ANKRD12: variants seen among roughly 807,000 people sequenced by gnomAD.
ANKRD12 encodes the protein ankyrin repeat domain 12.
ANKRD12 carries 85 observed loss-of-function variants against 183.4 expected under a neutral mutation model. That is an observed-to-expected ratio of 0.46 (90% CI 0.39 to 0.56). ANKRD12 has a LOEUF of 0.56. Among genes scored for constraint, ANKRD12 ranks in the 20% least tolerant of loss-of-function variants. ANKRD12 has a pLI of 0.00. For synonymous variants in ANKRD12, 914 were observed against 800.2 expected (o/e 1.14, Z -2.40); for missense variants, 2,405 against 2,357.1 (o/e 1.02, Z -0.42).
At chr18:9,212,129 GAA>G (rs748991343) in intron 6 of ANKRD12, among the ~76,000 whole-genome samples, 1 of 151,990 alleles carries the variant, frequency 6.6e-6, no homozygotes, top group African/African-American at 2.4e-5. Flanking sequence ...TTATTAACTT[GAA>G]CCATGAGGAC....
chr18:9,199,543 G>A (rs2035047756), intron 3 of ANKRD12, among the ~76,000 whole-genome samples: 1 of 152,002 alleles, frequency 6.6e-6, no homozygotes, highest in Admixed American at 6.6e-5. Flanking sequence ...AAAAGGGTAG[G>A]GAATAAGGAG....
chr18:9,245,485 A>G (rs895549846), intron 8 of ANKRD12, among the ~76,000 whole-genome samples: 3 of 152,138 alleles, frequency 2.0e-5, no homozygotes, highest in Non-Finnish European at 4.4e-5. Flanking sequence ...CCAGTTTATA[A>G]TCACTAGTTT....
chr18:9,275,744 T>C (rs761047520), intron 11 of ANKRD12, 77 bp downstream of exon 11: 245 of 1,349,460 alleles, frequency 1.8e-4, no homozygotes, highest in Non-Finnish European at 2.4e-4. Context: ...TCTATTTCCA[T>C]AGAAAGAACT....
chr18:9,151,757 C>A (rs372884708), intron 1 of ANKRD12, among the ~76,000 whole-genome samples: 12 of 152,208 alleles, frequency 7.9e-5, no homozygotes, highest in African/African-American at 2.9e-4. Flanking sequence ...TAGGAACTTG[C>A]ATTCCTTGCT....
At chr18:9,260,816 C>G (rs1260847193) in intron 9 of ANKRD12, among the ~76,000 whole-genome samples, 1 of 152,136 alleles carries the variant, frequency 6.6e-6, no homozygotes, top group Non-Finnish European at 1.5e-5. Flanking sequence ...TTAATGATTA[C>G]CACATTTAAA....
At chr18:9,239,444 C>A in intron 8 of ANKRD12, 18 of 1,009,768 alleles carry the variant, frequency 1.8e-5, no homozygotes, top group Non-Finnish European at 2.3e-5. Context: ...TTGATTGTTT[C>A]ATGTGTTCAT....
intron 1 of ANKRD12, among the ~76,000 whole-genome samples, chr18:9,140,217 A>G (rs1430749605): frequency 6.6e-6 from 1 of 152,216 alleles, no homozygotes; most frequent in Non-Finnish European, 1.5e-5. Context: ...AGCACATTGT[A>G]CACTGTAAAC....
intron 1 of ANKRD12, among the ~76,000 whole-genome samples, chr18:9,149,772 A>G (rs2078615600): frequency 7.7e-5 from 1 of 12,988 alleles, no homozygotes; most frequent in African/African-American, 1.9e-4. Context: ...ATTTGTAATG[A>G]TTTATTTATT....
chr18:9,180,642 C>A (rs2033636194), intron 1 of ANKRD12, among the ~76,000 whole-genome samples: 1 of 152,090 alleles, frequency 6.6e-6, no homozygotes, highest in Non-Finnish European at 1.5e-5. Flanking sequence ...CAGTATACAT[C>A]TTGCACCCAG....
In ANKRD12 at chr18:9,271,113, C is replaced by A. The variant is rs561985874; in HGVS notation, c.5764-4411C>A. On this transcript the variant is annotated intron_variant, in intron 10 of 12. Transcript: ENST00000262126. ...TTTTTGAGACAGTCTCACTCTGTCA[C>A]CCAGGCTGGCAGTGGTGTGATCATC... Among the ~76,000 whole-genome samples the A allele has an allele frequency of 6.6e-5, 10 of 152,256 alleles. No individual in the cohort carries two copies. The South Asian group carries it at 1.7e-3, about 25-fold the overall frequency.
At chr18:9,170,278 A>C (rs1486464437) in intron 1 of ANKRD12, among the ~76,000 whole-genome samples, 4 of 152,186 alleles carry the variant, frequency 2.6e-5, no homozygotes, top group Non-Finnish European at 5.9e-5. Context: ...AGATTGGGGA[A>C]GTTCTCCTGG....
intron 8 of ANKRD12, among the ~76,000 whole-genome samples, chr18:9,236,672 T>C (rs562677495): frequency 6.6e-6 from 1 of 152,262 alleles, no homozygotes; most frequent in South Asian, 2.1e-4. Context: ...ATAATAGTTA[T>C]TTATAGGAAT....
chr18:9,196,223 C>CACACAT (rs199953345), intron 3 of ANKRD12, among the ~76,000 whole-genome samples: 23 of 52,498 alleles, frequency 4.4e-4, no homozygotes, highest in East Asian at 1.1e-3. Context: ...CACACACACA[C>CACACAT]TGAGGCTAAC....
intron 1 of ANKRD12, among the ~76,000 whole-genome samples, chr18:9,137,336 G>A (rs950666079): frequency 6.8e-6 from 1 of 146,558 alleles, no homozygotes; most frequent in Non-Finnish European, 1.5e-5. Flanking sequence ...GCCGCGAGCT[G>A]GCCTCGTCGC....
At chr18:9,235,218 A>G (rs2037278097) in intron 8 of ANKRD12, among the ~76,000 whole-genome samples, 1 of 152,186 alleles carries the variant, frequency 6.6e-6, no homozygotes, top group Admixed American at 6.5e-5. Flanking sequence ...AAAATAGGCC[A>G]ATAGCTAGGC....
intron 1 of ANKRD12, among the ~76,000 whole-genome samples, chr18:9,161,672 G>C (rs2031441101): frequency 6.6e-6 from 1 of 151,814 alleles, no homozygotes; most frequent in African/African-American, 2.4e-5. Flanking sequence ...CACTGCACCT[G>C]ACCTCTTTTT....
Position 9,254,602 on chromosome 18 carries a change from C to A in ANKRD12, c.1335C>A (p.Val445=). 2 of 1,583,950 alleles carry A rather than the reference C, an allele frequency of 1.3e-6. No homozygotes were observed. The highest frequency in any genetic ancestry group is 2.4e-5 in the South Asian group (2 of 83,458). ...AAAAGATTTCTACTTCATGTTCCGTCATCCCTGAAACATCAAATTCTGATA... is the reference window on the plus strand; with the variant it reads ...AAAAGATTTCTACTTCATGTTCCGTAATCCCTGAAACATCAAATTCTGATA... ...QNKKISTSCS[V]IPETSNSDMQ... Residue 445 remains valine (V), a synonymous_variant, in exon 9 of 13, where the codon GTC becomes GTA. Transcript: ENST00000262126.
intron 6 of ANKRD12, among the ~76,000 whole-genome samples, chr18:9,213,506 C>T (rs1002850300): frequency 2.0e-5 from 3 of 151,828 alleles, no homozygotes; most frequent in Admixed American, 1.3e-4. Flanking sequence ...GTAATAGGAA[C>T]TCGTTGAAGG....
At chr18:9,264,767 T>G (rs886938555) in intron 10 of ANKRD12, among the ~76,000 whole-genome samples, 1 of 92,944 alleles carries the variant, frequency 1.1e-5, no homozygotes, top group African/African-American at 5.9e-5. Flanking sequence ...ATTTCAACTA[T>G]TAAGACGTTT....
Sources: allele counts gnomAD v4.1 joint callset (sites outside exome capture counted in the v4.1 genomes callset), GRCh38; gene constraint gnomAD v4.1.1; transcripts MANE v1.5; gene names NCBI Gene and HGNC (gene_info 2026-07-23, HGNC 2026-07-21).